Variants in COL4A2 observed in about 807,000 individuals in gnomAD.
The protein encoded by COL4A2 is collagen alpha-2(IV) chain.
COL4A2 carries 99 observed loss-of-function variants against 200.2 expected under a neutral mutation model. The observed-to-expected ratio is 0.49, with a 90% confidence interval of 0.42 to 0.58. COL4A2 has a LOEUF of 0.58. Among genes scored for constraint, COL4A2 ranks in the 20% least tolerant of loss-of-function variants. The probability of loss-of-function intolerance (pLI) is 0.00; values close to 1 mark genes in which losing one functional copy is unlikely to be tolerated. For synonymous variants in COL4A2, 897 were observed against 900.6 expected (o/e 1.00, Z 0.07); for missense variants, 1,950 against 2,314.1 (o/e 0.84, Z 3.23).
At chr13:110,422,449 A>G (rs1461651520) in intron 4 of COL4A2, among the ~76,000 whole-genome samples, 4 of 152,220 alleles carry the variant, frequency 2.6e-5, no homozygotes, top group Non-Finnish European at 5.9e-5. Context: ...AATAGCTTCT[A>G]TTGTAGAATG....
intron 18 of COL4A2, among the ~76,000 whole-genome samples, chr13:110,447,183 C>T (rs1040898262): frequency 1.9e-4 from 29 of 152,276 alleles, no homozygotes; most frequent in African/African-American, 5.3e-4. Context: ...CTAGTTCTGC[C>T]GTCTGGACTA....
chr13:110,498,896 G>A (rs534814069), intron 40 of COL4A2, among the ~76,000 whole-genome samples: 6 of 152,266 alleles, frequency 3.9e-5, no homozygotes, highest in African/African-American at 9.6e-5. Context: ...CCAAGCCACC[G>A]TGCGGCATGC....
intron 22 of COL4A2, 157 bp downstream of exon 22, chr13:110,459,091 A>C (rs1178056863): frequency 1.3e-5 from 9 of 675,094 alleles, no homozygotes; most frequent in African/African-American, 1.9e-5. Flanking sequence ...CACATACCCC[A>C]AGGCGGACTT....
intron 4 of COL4A2, among the ~76,000 whole-genome samples, chr13:110,396,732 C>T (rs1220623898): frequency 1.4e-5 from 2 of 140,694 alleles, no homozygotes; most frequent in African/African-American, 2.6e-5. Context: ...CTAAGCGGAC[C>T]GTTTTTTCTT....
intron 16 of COL4A2, among the ~76,000 whole-genome samples, chr13:110,440,550 C>T (rs907984851): frequency 6.6e-6 from 1 of 152,046 alleles, no homozygotes; most frequent in Non-Finnish European, 1.5e-5. Flanking sequence ...GAGCCGAGAT[C>T]GCGCCATTGC....
chr13:110,504,670 A>G (rs1161885430), intron 45 of COL4A2, among the ~76,000 whole-genome samples: 2 of 152,114 alleles, frequency 1.3e-5, no homozygotes, highest in Non-Finnish European at 2.9e-5. Context: ...CAGTGGCGCA[A>G]TCTCAGCTCA....
At chr13:110,491,209 C>T (rs976274464) in intron 36 of COL4A2, 24 bp from the exon 37 acceptor site, 8 of 1,545,196 alleles carry the variant, frequency 5.2e-6, no homozygotes, top group Non-Finnish European at 6.2e-6. Flanking sequence ...CTGTTTGTTC[C>T]AAGCAGCATG....
In COL4A2 at chr13:110,449,873, C is replaced by T. The variant is rs9583496; in HGVS notation, c.1189+84C>T. 1.5e-3 allele frequency: 2,053 copies of T among 1,396,892 alleles called. 18 individuals carry two copies. The African/African-American group carries it at 0.017, about 12-fold the overall frequency. The allele number at this position is 1,396,892 out of a possible 1,614,324, so 86.5% of individuals were successfully genotyped here. ...GCACACACAAGGGAGACTTCGTTGA[C>T]GACGTAGCTATGTCGTTGTTACTTT... On this transcript the variant is annotated intron_variant, in intron 19 of 47. Coordinates refer to ENST00000360467, the MANE Select transcript of COL4A2 (RefSeq NM_001846.4).
At chr13:110,360,443 G>A (rs1877464703) in intron 4 of COL4A2, among the ~76,000 whole-genome samples, 1 of 152,208 alleles carries the variant, frequency 6.6e-6, no homozygotes, top group African/African-American at 2.4e-5. Flanking sequence ...GCATAGCAGT[G>A]TACTGTTACA....
At chr13:110,461,842 AATT>A (rs1165448008) in intron 22 of COL4A2, among the ~76,000 whole-genome samples, 2 of 152,186 alleles carry the variant, frequency 1.3e-5, no homozygotes, top group Admixed American at 1.3e-4. Flanking sequence ...GCCACATTGT[AATT>A]ATTTAAAATT....
chr13:110,344,083 ACT>A (rs1486108397), intron 3 of COL4A2, among the ~76,000 whole-genome samples: 16 of 152,030 alleles, frequency 1.1e-4, no homozygotes, highest in Non-Finnish European at 1.3e-4. Flanking sequence ...GTCTCGGTGA[ACT>A]CTCTCCCTAA....
chr13:110,401,671 A>G (rs1438669948), intron 4 of COL4A2, among the ~76,000 whole-genome samples: 2 of 152,190 alleles, frequency 1.3e-5, no homozygotes, highest in African/African-American at 2.4e-5. Flanking sequence ...TTGGTCTAAA[A>G]CGTCTTGAAA....
At position 110,329,410 on chromosome 13, in the gene COL4A2, C is replaced by T. The variant is rs114244186; in HGVS notation, c.99+21287C>T. Among the ~76,000 whole-genome samples the T allele has an allele frequency of 4.9e-3, 749 of 152,266 alleles. 7 individuals carry two copies. The highest frequency in any genetic ancestry group is 0.017 in the African/African-American group (694 of 41,550). On this transcript the variant is annotated intron_variant, in intron 3 of 47. Transcript: ENST00000360467. ...GAAGATAGAGCCAGCCACAGGTGGG[C>T]GTGCCCTGCAGGGGAAGGCGTCTAG...
rs928485578 is a variant in COL4A2, at chr13:110,398,095, A to AT, written c.181-26633dup. Among the ~76,000 whole-genome samples, 4 of 60,544 alleles carry AT rather than the reference A, an allele frequency of 6.6e-5. No homozygotes were observed. In the East Asian group the frequency reaches 8.7e-4, roughly 13 times the overall value. 39.7% of individuals were successfully genotyped at this position (60,544 alleles called of 152,430 possible). A position where few individuals can be genotyped will look rare whatever the true frequency, so the allele number is the denominator to read the frequency against. On this transcript the variant is annotated intron_variant, in intron 4 of 47. Coordinates refer to ENST00000360467, the MANE Select transcript of COL4A2 (RefSeq NM_001846.4). Reference sequence around the variant, plus strand: ...CTCAAAAATCTAAATCAAAAATCAGATTTTTTCTTTTTTTTTTTCCTACTG... The same window carrying AT: ...CTCAAAAATCTAAATCAAAAATCAGATTTTTTTCTTTTTTTTTTTCCTACTG...
At chr13:110,359,654 T>C (rs1380796407) in intron 4 of COL4A2, among the ~76,000 whole-genome samples, 1 of 152,226 alleles carries the variant, frequency 6.6e-6, no homozygotes, top group East Asian at 1.9e-4. Context: ...AGAACGACCC[T>C]CTGCTGGAGC....
Position 110,472,283 on chromosome 13 carries a change from T to A in COL4A2, c.2204-646T>A, listed in dbSNP as rs183421511. ...GGCATCCGCCACCACACCTGGCTAA[T>A]TTTTTGTATTTTTAGTAGAGACGAG... On this transcript the variant is annotated intron_variant, in intron 28 of 47. Coordinates refer to ENST00000360467, the MANE Select transcript of COL4A2 (RefSeq NM_001846.4). 3.4e-4 allele frequency among the ~76,000 whole-genome samples: 51 copies of A among 152,016 alleles called. No individual in the cohort carries two copies. The East Asian group carries it at 7.6e-3, about 23-fold the overall frequency.
At chr13:110,427,600 TA>T (rs1474157061) in intron 6 of COL4A2, among the ~76,000 whole-genome samples, 1 of 152,212 alleles carries the variant, frequency 6.6e-6, no homozygotes, top group African/African-American at 2.4e-5. Context: ...ACAAAGCATA[TA>T]GCTAAATATC....
chr13:110,445,927 A>G, intron 17 of COL4A2, 45 bp downstream of exon 17: 1 of 1,610,376 alleles, frequency 6.2e-7, no homozygotes, highest in Non-Finnish European at 8.5e-7. Flanking sequence ...TGTCTCGCCC[A>G]CCCTGGCTGG....
At chr13:110,448,120 A>T (rs1028173485) in intron 18 of COL4A2, among the ~76,000 whole-genome samples, 1 of 152,158 alleles carries the variant, frequency 6.6e-6, no homozygotes, top group African/African-American at 2.4e-5. Context: ...CATGGCGCAC[A>T]CCTGGCTACC....
Sources: gnomAD v4.1 joint callset for allele counts (sites outside exome capture counted in the v4.1 genomes callset) on GRCh38, gnomAD v4.1.1 for gene constraint, MANE v1.5 for transcripts, NCBI Gene and HGNC (gene_info 2026-07-23, HGNC 2026-07-21) for gene names.